AGAP1: variants seen among roughly 807,000 people sequenced by gnomAD.
The protein encoded by AGAP1 is arf-GAP with GTPase, ANK repeat and PH domain-containing protein 1.
AGAP1 carries 29 observed loss-of-function variants against 105.3 expected under a neutral mutation model. The ratio of observed to expected loss-of-function variants is 0.28; its 90% confidence interval spans 0.21 to 0.38. The LOEUF is 0.38. AGAP1 is among the 10% of genes least tolerant of loss of function. The pLI is 1.00. For missense variants in AGAP1, 998 were observed against 1,165.1 expected (o/e 0.86, Z 2.09); for synonymous variants, 509 against 485.9 (o/e 1.05, Z -0.63).
chr2:235,606,312 G>A (rs1201314319), intron 1 of AGAP1, among the ~76,000 whole-genome samples: 1 of 152,164 alleles, frequency 6.6e-6, no homozygotes, highest in Non-Finnish European at 1.5e-5. Context: ...GCTGAGAGCC[G>A]ATCATGTATC....
chr2:235,923,992 G>A (rs918880450), intron 11 of AGAP1, among the ~76,000 whole-genome samples: 3 of 152,252 alleles, frequency 2.0e-5, no homozygotes, highest in East Asian at 1.9e-4. Flanking sequence ...GGAAACCCCC[G>A]TGTTTAATAA....
chr2:235,871,652 A>G (rs967317701), intron 9 of AGAP1, among the ~76,000 whole-genome samples: 2 of 152,198 alleles, frequency 1.3e-5, no homozygotes, highest in Non-Finnish European at 2.9e-5. Context: ...TTGCTGCATA[A>G]GGATCCACCC....
At chr2:235,548,530 G>A (rs1438952416) in intron 1 of AGAP1, among the ~76,000 whole-genome samples, 1 of 152,010 alleles carries the variant, frequency 6.6e-6, no homozygotes. Context: ...GCATGCACCT[G>A]TAATCCTAGC....
At chr2:236,081,420 T>G (rs2058779728) in intron 16 of AGAP1, among the ~76,000 whole-genome samples, 1 of 152,236 alleles carries the variant, frequency 6.6e-6, no homozygotes, top group African/African-American at 2.4e-5. Flanking sequence ...GACGGACACT[T>G]TGTGTGTCAC....
intron 6 of AGAP1, among the ~76,000 whole-genome samples, chr2:235,776,776 C>A (rs569336034): frequency 9.2e-5 from 14 of 152,300 alleles, no homozygotes; most frequent in Admixed American, 1.3e-4. Flanking sequence ...CGCACCCTTT[C>A]CTTAGCCTCA....
rs534417097 is a variant in AGAP1, at chr2:235,566,388, A to T, written c.163+71539A>T. 4.3e-4 allele frequency among the ~76,000 whole-genome samples: 65 copies of T among 152,300 alleles called. No individual in the cohort carries two copies. The highest frequency in any genetic ancestry group is 3.4e-3 in the Middle Eastern group (1 of 294). On this transcript the variant is annotated intron_variant, in intron 1 of 17. Coordinates refer to ENST00000304032, the MANE Select transcript of AGAP1 (RefSeq NM_001037131.3). The surrounding 1 kb of genome is among the most constrained non-coding windows in gnomAD (Gnocchi z 5.2). ...CCGGCCTTGTATTATTTTTCAATGC[A>T]TTGCAAAGTCAACGGCAGACTGAAG...
intron 1 of AGAP1, among the ~76,000 whole-genome samples, chr2:235,571,894 A>C (rs56212944): frequency 0.017 from 2,506 of 146,730 alleles, 75 homozygotes; most frequent in African/African-American, 0.059. Context: ...CACCACATCC[A>C]GCTGCTGCTC....
chr2:235,526,852 C>A (rs567780343), intron 1 of AGAP1, among the ~76,000 whole-genome samples: 1 of 152,104 alleles, frequency 6.6e-6, no homozygotes, highest in African/African-American at 2.4e-5. Context: ...TCTCTCAAAT[C>A]GTATGTGGGT....
intron 9 of AGAP1, among the ~76,000 whole-genome samples, chr2:235,811,848 C>T (rs766019570): frequency 6.6e-6 from 1 of 152,234 alleles, no homozygotes; most frequent in Non-Finnish European, 1.5e-5. Context: ...AAAACATTGC[C>T]TACGACTTTC....
chr2:235,949,004 C>T (rs2053617018), intron 12 of AGAP1, among the ~76,000 whole-genome samples: 3 of 152,162 alleles, frequency 2.0e-5, no homozygotes, highest in Admixed American at 2.0e-4. Context: ...TTAGATTAAG[C>T]GAATTATAAT....
rs966450643 is a variant in AGAP1, at chr2:235,960,243, T to C, written c.1484-8219T>C. On this transcript the variant is annotated intron_variant, in intron 12 of 17. Coordinates refer to ENST00000304032, the MANE Select transcript of AGAP1 (RefSeq NM_001037131.3). The surrounding 1 kb of genome is among the most constrained non-coding windows in gnomAD (Gnocchi z 4.9). Reference sequence around the variant, plus strand: ...GTCAGTTACTCGAGTCATAGCCTCCTGAGGACGACTGCAAGGAGCTCATGA... The same window carrying C: ...GTCAGTTACTCGAGTCATAGCCTCCCGAGGACGACTGCAAGGAGCTCATGA... Among the ~76,000 whole-genome samples the C allele has an allele frequency of 1.3e-5, 2 of 152,220 alleles. No individual in the cohort carries two copies. The highest frequency in any genetic ancestry group is 4.2e-4 in the South Asian group (2 of 4,818).
In AGAP1 at chr2:235,793,067, G is replaced by A. The variant is rs528306732; in HGVS notation, c.674-4692G>A. Among the ~76,000 whole-genome samples the A allele has an allele frequency of 1.4e-4, 22 of 152,288 alleles. No homozygotes were observed. Among genetic ancestry groups the A allele is most frequent in the Non-Finnish European group, 2.8e-4 (19 of 68,030 alleles). ...GGGACGTCAGGGTTCATGGAAGCCC[G>A]AGGAGGATGCAGAAGAGGAAAGGAG... On this transcript the variant is annotated intron_variant, in intron 6 of 17. Transcript: ENST00000304032. The surrounding 1 kb of genome is among the most constrained non-coding windows in gnomAD (Gnocchi z 5.3).
intron 13 of AGAP1, among the ~76,000 whole-genome samples, chr2:236,008,049 C>T (rs747756438): frequency 6.6e-6 from 1 of 152,182 alleles, no homozygotes; most frequent in Non-Finnish European, 1.5e-5. Flanking sequence ...ATTTGGTTTG[C>T]TGTGTGTGTG....
intron 16 of AGAP1, among the ~76,000 whole-genome samples, chr2:236,074,562 A>G (rs1298825755): frequency 1.3e-5 from 2 of 152,174 alleles, no homozygotes; most frequent in Non-Finnish European, 2.9e-5. Context: ...CATAAAACCT[A>G]ACATCTACAT....
intron 10 of AGAP1, among the ~76,000 whole-genome samples, chr2:235,884,738 G>C (rs1226648837): frequency 1.3e-5 from 2 of 152,166 alleles, no homozygotes; most frequent in African/African-American, 4.8e-5. Context: ...ACAGGTTTGA[G>C]CCACCGCGCC....
intron 16 of AGAP1, among the ~76,000 whole-genome samples, chr2:236,102,660 C>A (rs979691152): frequency 6.6e-6 from 1 of 151,588 alleles, no homozygotes. Context: ...TGTTAAATGC[C>A]GAGTGGGTAA....
In AGAP1 at chr2:235,894,610, CACTTAA is replaced by C. The variant is rs906788720; in HGVS notation, c.1155+11164_1155+11169del. Among the ~76,000 whole-genome samples, 362 of 125,716 alleles carry C rather than the reference CACTTAA, an allele frequency of 2.9e-3. 4 individuals carry two copies. Among genetic ancestry groups the C allele is most frequent in the African/African-American group, 0.011 (344 of 31,440 alleles). 82.5% of individuals were successfully genotyped at this position (125,716 alleles called of 152,430 possible). ...CATCATACACACACACATACACACACACTTAAACATACACATGCACATGTACACACA... is the reference window on the plus strand; with the variant it reads ...CATCATACACACACACATACACACACACATACACATGCACATGTACACACA... On this transcript the variant is annotated intron_variant, in intron 10 of 17. Coordinates refer to ENST00000304032, the MANE Select transcript of AGAP1 (RefSeq NM_001037131.3).
chr2:236,080,853 T>G lies in AGAP1; in HGVS notation c.2114+31572T>G, dbSNP rs1030668909. On this transcript the variant is annotated intron_variant, in intron 16 of 17. Coordinates refer to ENST00000304032, the MANE Select transcript of AGAP1 (RefSeq NM_001037131.3). The surrounding 1 kb of genome is among the most constrained non-coding windows in gnomAD (Gnocchi z 4.2). ...TGTCCTCACATCTTCTGACTCTGAT[T>G]CTCCTATTTATATGACCCTCTTATA... Among the ~76,000 whole-genome samples the G allele has an allele frequency of 1.3e-5, 2 of 152,138 alleles. No homozygotes were observed. Among genetic ancestry groups the G allele is most frequent in the Admixed American group, 6.5e-5 (1 of 15,268 alleles).
At chr2:235,706,516 G>T (rs368818718) in intron 1 of AGAP1, among the ~76,000 whole-genome samples, 3 of 152,248 alleles carry the variant, frequency 2.0e-5, no homozygotes, top group Admixed American at 6.5e-5. Flanking sequence ...ACCGCGCCCG[G>T]CCAAGCGTAT....
Sources: gnomAD v4.1 joint callset for allele counts (sites outside exome capture counted in the v4.1 genomes callset) on GRCh38, gnomAD v4.1.1 for gene constraint, Gnocchi (gnomAD v3.1) non-coding constraint, MANE v1.5 for transcripts, NCBI Gene and HGNC (gene_info 2026-07-23, HGNC 2026-07-21) for gene names.